AAMDC: variants seen among roughly 807,000 people sequenced by gnomAD.
The protein encoded by AAMDC is mth938 domain-containing protein.
AAMDC carries 16 observed loss-of-function variants against 15.5 expected under a neutral mutation model. The ratio of observed to expected loss-of-function variants is 1.03; its 90% CI spans 0.70 to 1.57. AAMDC has a LOEUF of 1.57. Among genes scored for constraint, AAMDC ranks in the 40% most tolerant of loss-of-function variants. AAMDC has a pLI of 0.00. For synonymous variants in AAMDC, 51 were observed against 51.6 expected (o/e 0.99, Z 0.05); for missense variants, 141 against 144.9 (o/e 0.97, Z 0.14).
chr11:77,841,984 C>T (rs621456), intron 1 of AAMDC, among the ~76,000 whole-genome samples: 30,087 of 152,122 alleles, frequency 0.2, 3,619 homozygotes, highest in Middle Eastern at 0.33. Flanking sequence ...TACAACAGAA[C>T]TGGAGTGGTG....
intron 2 of AAMDC, among the ~76,000 whole-genome samples, chr11:77,863,644 C>T (rs1950980936): frequency 6.6e-6 from 1 of 152,188 alleles, no homozygotes; most frequent in Admixed American, 6.5e-5. Flanking sequence ...CCACCTTGGC[C>T]TCCCAATGTG....
intron 5 of AAMDC, chr11:77,884,074 T>G: frequency 1.0e-6 from 1 of 1,001,744 alleles, no homozygotes; most frequent in South Asian, 1.5e-5. Flanking sequence ...TTACTAAGAT[T>G]GAGCCTTGGG....
intron 5 of AAMDC, among the ~76,000 whole-genome samples, chr11:77,885,957 T>C (rs1951987749): frequency 6.6e-6 from 1 of 152,140 alleles, no homozygotes; most frequent in African/African-American, 2.4e-5. Context: ...TCCCAGCATT[T>C]TGCGGGGCTG....
At chr11:77,903,536 T>C (rs764849994), downstream of AAMDC, 9 of 1,613,346 alleles carry the variant, frequency 5.6e-6, no homozygotes, top group South Asian at 9.9e-5. Context: ...CTGAATAAGC[T>C]TACCTGTTTC....
intron 2 of AAMDC, chr11:77,855,449 A>G: frequency 5.6e-6 from 1 of 180,032 alleles, no homozygotes; most frequent in Non-Finnish European, 1.2e-5. Flanking sequence ...CCTCCCAAGT[A>G]GCTGGGACTA....
At chr11:77,854,272 G>A (rs570460800) in intron 2 of AAMDC, among the ~76,000 whole-genome samples, 5 of 152,176 alleles carry the variant, frequency 3.3e-5, no homozygotes, top group Middle Eastern at 3.4e-3. Flanking sequence ...GATTACAGGC[G>A]TGAGCCACCG....
At chr11:77,822,986 C>T (rs1236449599) in intron 1 of AAMDC, among the ~76,000 whole-genome samples, 1 of 151,980 alleles carries the variant, frequency 6.6e-6, no homozygotes, top group Non-Finnish European at 1.5e-5. Flanking sequence ...GAGGTCGAGA[C>T]GGGCGGGTCA....
At chr11:77,903,109 T>C (rs184736669), downstream of AAMDC, among the ~76,000 whole-genome samples, 85 of 152,254 alleles carry the variant, frequency 5.6e-4, no homozygotes, top group Middle Eastern at 0.01. Context: ...ATCCAGGGAA[T>C]TTAAGTAACT....
intron 1 of AAMDC, among the ~76,000 whole-genome samples, chr11:77,839,604 T>C (rs544851086): frequency 3.3e-5 from 5 of 152,052 alleles, no homozygotes; most frequent in African/African-American, 1.2e-4. Context: ...ATAAAGAAAA[T>C]ATGGTACCTC....
chr11:77,866,481 C>T (rs1339271958), intron 2 of AAMDC: 1 of 152,160 alleles, frequency 6.6e-6, no homozygotes, highest in Non-Finnish European at 1.5e-5. Context: ...CAGGCCCTTG[C>T]AGAGTTATCT....
At chr11:77,880,166 T>G (rs1023950517) in intron 5 of AAMDC, among the ~76,000 whole-genome samples, 1 of 152,122 alleles carries the variant, frequency 6.6e-6, no homozygotes, top group African/African-American at 2.4e-5. Context: ...AAAGTGTAAG[T>G]TGAAGATGAT....
downstream of AAMDC, chr11:77,877,097 CT>C (rs888008874): frequency 3.9e-5 from 27 of 700,028 alleles, no homozygotes; most frequent in Non-Finnish European, 6.5e-5. Context: ...CATTCTTCCC[CT>C]AGTCCCTCTT....
At chr11:77,857,320 C>G (rs1756450210) in intron 2 of AAMDC, among the ~76,000 whole-genome samples, 1 of 152,156 alleles carries the variant, frequency 6.6e-6, no homozygotes, top group African/African-American at 2.4e-5. Flanking sequence ...AGAAGTTTCC[C>G]AGGTAAACAA....
intron 5 of AAMDC, among the ~76,000 whole-genome samples, chr11:77,896,129 G>C (rs369204427): frequency 3.9e-5 from 6 of 152,012 alleles, no homozygotes; most frequent in African/African-American, 1.5e-4. Context: ...CAACAACCTC[G>C]GTGAGAGTTA....
chr11:77,841,523 A>T (rs528438236), intron 1 of AAMDC, among the ~76,000 whole-genome samples: 12 of 152,314 alleles, frequency 7.9e-5, no homozygotes, highest in African/African-American at 2.9e-4. Context: ...CTGTGTGTAC[A>T]GGGGAGTGCG....
chr11:77,869,923 C>T (rs1951333717), intron 3 of AAMDC, 106 bp downstream of exon 3: 6 of 1,057,124 alleles, frequency 5.7e-6, no homozygotes, highest in African/African-American at 4.7e-5. Context: ...TATCATGTAC[C>T]CTCATTTTGC....
intron 1 of AAMDC, among the ~76,000 whole-genome samples, chr11:77,824,794 T>C (rs941279620): frequency 1.3e-5 from 2 of 152,230 alleles, no homozygotes; most frequent in Admixed American, 6.5e-5. Flanking sequence ...TTCTCAAAAT[T>C]CATTGAACTC....
downstream of AAMDC, chr11:77,903,669 G>T (rs749586549): frequency 4.2e-6 from 6 of 1,429,066 alleles, no homozygotes; most frequent in South Asian, 2.5e-5. Flanking sequence ...CACAAAGACT[G>T]GCCTATCATT....
chr11:77,900,477 T>G (rs1425379888), intron 5 of AAMDC: 1 of 564,750 alleles, frequency 1.8e-6, no homozygotes, highest in African/African-American at 1.9e-5. Context: ...AATAAAATAT[T>G]TTATTTTTCA....
Sources: allele counts gnomAD v4.1 joint callset (sites outside exome capture counted in the v4.1 genomes callset), GRCh38; gene constraint gnomAD v4.1.1; transcripts MANE v1.5; gene names NCBI Gene and HGNC (gene_info 2026-07-23, HGNC 2026-07-21).